Variants in RNF114 observed in about 807,000 individuals in gnomAD.
RNF114 encodes the protein E3 ubiquitin-protein ligase RNF114.
Under a neutral mutation model 28.4 loss-of-function variants are expected in RNF114, and 6 were observed. The observed-to-expected ratio is 0.21, with a 90% confidence interval of 0.12 to 0.42. The LOEUF (loss-of-function observed/expected upper bound fraction) is 0.42, where lower values mean the gene tolerates loss of function less well. RNF114 is among the 10% of genes least tolerant of loss of function. The pLI, the probability that RNF114 is intolerant of heterozygous loss-of-function variation, is 1.00. For missense variants in RNF114, 249 were observed against 311.7 expected, an observed-to-expected ratio of 0.80 and a Z score of 1.51; for synonymous variants, 115 against 116.7, an observed-to-expected ratio of 0.99 and a Z score of 0.09.
chr20:49,943,646 GTCT>G (rs1277492435), intron 2 of RNF114, among the ~76,000 whole-genome samples: 1 of 96,186 alleles, frequency 1.0e-5, no homozygotes, highest in East Asian at 2.7e-4. Context: ...ATTCCCTACT[GTCT>G]TCTTTTTTTT....
At position 49,952,399 on chromosome 20, in the gene RNF114, TC is replaced by T; in HGVS notation, c.*260del. The T allele has an allele frequency of 1.9e-6, 1 of 532,838 alleles. No homozygotes were observed. The highest frequency in any genetic ancestry group is 3.4e-6 in the Non-Finnish European group (1 of 297,592). The allele number at this position is 532,838 out of a possible 1,614,324, so 33.0% of individuals were successfully genotyped here. A position where few individuals can be genotyped will look rare whatever the true frequency, so the allele number is the denominator to read the frequency against. ...GAGTTCGTATTGGTTCTCGGCTACT[TC>T]CTGGAGCTTCTGCCGCCTCCTGTGG... On this transcript the variant is annotated 3_prime_UTR_variant, in exon 6 of 6. Coordinates refer to ENST00000244061, the MANE Select transcript of RNF114 (RefSeq NM_018683.4).
chr20:49,945,582 T>C (rs1253166996), intron 3 of RNF114, 94 bp downstream of exon 3: 1 of 721,202 alleles, frequency 1.4e-6, no homozygotes, highest in East Asian at 2.6e-5. Context: ...TGAATTGTTA[T>C]GCTGGCTAAA....
Position 49,945,378 on chromosome 20 carries a change from T to C in RNF114, c.292-4T>C, listed in dbSNP as rs771300568. On this transcript the variant is annotated splice_polypyrimidine_tract_variant and splice_region_variant and intron_variant, in intron 2 of 5. Transcript: ENST00000244061. ...CTTATGGGCTCTGATTCTTCCTATT[T>C]GAGTTCTTCCTGTCCAAGATCCGGT... 2.5e-6 allele frequency: 4 copies of C among 1,592,004 alleles called. No individual in the cohort carries two copies. The highest frequency in any genetic ancestry group is 2.2e-5 in the East Asian group (1 of 44,768).
At chr20:49,949,455 T>C in intron 5 of RNF114, 100 bp downstream of exon 5, 1 of 973,038 alleles carries the variant, frequency 1.0e-6, no homozygotes, top group Admixed American at 1.8e-5. Flanking sequence ...TGTTGAACTT[T>C]GTCGCTGTTG....
chr20:49,938,687 T>C (rs1232013676), intron 1 of RNF114, among the ~76,000 whole-genome samples: 1 of 152,104 alleles, frequency 6.6e-6, no homozygotes, highest in African/African-American at 2.4e-5. Context: ...AAGTAGGAAA[T>C]AGAAACTGAA....
In RNF114 at chr20:49,952,080, A is replaced by T; in HGVS notation, c.626A>T (p.Tyr209Phe). 1 of 1,613,552 alleles carries T rather than the reference A, an allele frequency of 6.2e-7. No individual in the cohort carries two copies. The highest frequency in any genetic ancestry group is 8.5e-7 in the Non-Finnish European group (1 of 1,179,526). The change falls in exon 6 of 6, where the codon TAT (tyrosine) becomes TTT (phenylalanine). Residue 209 changes from tyrosine to phenylalanine, a missense_variant. Physicochemically the swap from Tyr to Phe is conservative, Grantham distance 22 (BLOSUM62 3). Coordinates refer to ENST00000244061, the MANE Select transcript of RNF114 (RefSeq NM_018683.4). ...CATGTCTCTTTTTGCCCTTAGGATT[A>T]TGATGTTGATGAAGAGGACATGATG... ...HRFSYDTFVD[Y>F]DVDEEDMMNQ...
chr20:49,940,551 AC>A (rs2090303609), intron 1 of RNF114, among the ~76,000 whole-genome samples: 1 of 151,888 alleles, frequency 6.6e-6, no homozygotes, highest in African/African-American at 2.4e-5. Flanking sequence ...AGTAGCTGGG[AC>A]TACAGGCACC....
chr20:49,952,979 T>C lies in RNF114; in HGVS notation c.*838T>C, dbSNP rs2090361309. ...ATGTTTACCTCTCCATTTGGGAGCC[T>C]GCCTACATTCTTGTTCTAGAAGCAC... On this transcript the variant is annotated 3_prime_UTR_variant, in exon 6 of 6. Transcript: ENST00000244061. 6.6e-6 allele frequency: 1 copy of C among 152,324 alleles called. No individual in the cohort carries two copies. Among genetic ancestry groups the C allele is most frequent in the Admixed American group, 6.6e-5 (1 of 15,258 alleles). The allele number at this position is 152,324 out of a possible 1,614,324, so 9.4% of individuals were successfully genotyped here. A position where few individuals can be genotyped will look rare whatever the true frequency, so the allele number is the denominator to read the frequency against.
At chr20:49,949,613 T>C (rs2090347894) in intron 5 of RNF114, among the ~76,000 whole-genome samples, 1 of 152,172 alleles carries the variant, frequency 6.6e-6, no homozygotes, top group Admixed American at 6.5e-5. Flanking sequence ...CTATACAGTT[T>C]CTATTCATGG....
At chr20:49,942,639 A>G (rs901064171) in intron 2 of RNF114, among the ~76,000 whole-genome samples, 1 of 152,174 alleles carries the variant, frequency 6.6e-6, no homozygotes, top group Non-Finnish European at 1.5e-5. Context: ...CCTGGACAAC[A>G]TGGTGAAACC....
At chr20:49,938,649 C>T (rs888473406) in intron 1 of RNF114, among the ~76,000 whole-genome samples, 6 of 152,130 alleles carry the variant, frequency 3.9e-5, no homozygotes, top group Admixed American at 2.0e-4. Context: ...AGTGGAGCAT[C>T]GGAAGGCTGA....
At chr20:49,949,725 G>A (rs6067281) in intron 5 of RNF114, among the ~76,000 whole-genome samples, 63,942 of 151,850 alleles carry the variant, frequency 0.42, 15,537 homozygotes, top group East Asian at 0.78. Context: ...GCTCACTGCA[G>A]CCTCCACCTC....
chr20:49,946,394 C>T, intron 4 of RNF114, 144 bp downstream of exon 4: 1 of 582,318 alleles, frequency 1.7e-6, no homozygotes. Flanking sequence ...ATTTGCTTAA[C>T]CATGCTCTAT....
intron 1 of RNF114, among the ~76,000 whole-genome samples, chr20:49,939,053 G>A (rs138562713): frequency 6.6e-6 from 1 of 152,238 alleles, no homozygotes; most frequent in East Asian, 1.9e-4. Flanking sequence ...TGTGTGTGGC[G>A]TGATCTTGGT....
In RNF114 at chr20:49,952,949, C is replaced by T. The variant is rs1206722031; in HGVS notation, c.*808C>T. 3 of 152,408 alleles carry T rather than the reference C, an allele frequency of 2.0e-5. No individual in the cohort carries two copies. The highest frequency in any genetic ancestry group is 2.4e-5 in the African/African-American group (1 of 41,404). 9.4% of individuals were successfully genotyped at this position (152,408 alleles called of 1,614,324 possible). The stretch of plus-strand genomic sequence containing the variant: ...ATTAATGAAGTAGTTTCAAACAACG[C>T]GGTCATGTTTACCTCTCCATTTGGG... On this transcript the variant is annotated 3_prime_UTR_variant, in exon 6 of 6. Transcript: ENST00000244061.
intron 1 of RNF114, among the ~76,000 whole-genome samples, chr20:49,937,734 G>A (rs2090293273): frequency 6.6e-6 from 1 of 151,946 alleles, no homozygotes; most frequent in Non-Finnish European, 1.5e-5. Flanking sequence ...CCCAGGTTAA[G>A]TTACCTCACC....
intron 2 of RNF114, chr20:49,942,089 C>T (rs2090310232): frequency 1.2e-5 from 2 of 172,758 alleles, no homozygotes; most frequent in African/African-American, 2.4e-5. Flanking sequence ...AGTGAGACCT[C>T]ATCTTTACAA....
chr20:49,941,721 A>G lies in RNF114; in HGVS notation c.291+10A>G. 6.2e-7 allele frequency: 1 copy of G among 1,609,458 alleles called. No homozygotes were observed. Among genetic ancestry groups the G allele is most frequent in the Non-Finnish European group, 8.5e-7 (1 of 1,179,168 alleles). On this transcript the variant is annotated intron_variant, in intron 2 of 5. Transcript: ENST00000244061. ...TGGCTGCCGTAAGAATGTATGTGGA[A>G]GTGATGTGGAAGAGTCCATGTCTTT... is the stretch of plus-strand genomic sequence containing the variant.
rs899840125 is a variant in RNF114, at chr20:49,951,536, C to G, written c.622-540C>G. Among the ~76,000 whole-genome samples, 29 of 152,150 alleles carry G rather than the reference C, an allele frequency of 1.9e-4. 1 individual carries two copies. Among genetic ancestry groups the G allele is most frequent in the African/African-American group, 4.6e-4 (19 of 41,432 alleles). Reference sequence around the variant, plus strand: ...GTGCCAGCCTCCATTCGTGTGCTGTCTGGGTTTCTCAATCTCCATTTAAGG... The same window carrying G: ...GTGCCAGCCTCCATTCGTGTGCTGTGTGGGTTTCTCAATCTCCATTTAAGG... On this transcript the variant is annotated intron_variant, in intron 5 of 5. Coordinates refer to ENST00000244061, the MANE Select transcript of RNF114 (RefSeq NM_018683.4).
Sources: gnomAD v4.1 joint callset for allele counts (sites outside exome capture counted in the v4.1 genomes callset) on GRCh38, gnomAD v4.1.1 for gene constraint, MANE v1.5 for transcripts, NCBI Gene and HGNC (gene_info 2026-07-23, HGNC 2026-07-21) for gene names.